The following BET1 variants were observed in gnomAD, a reference collection of about 807,000 sequenced individuals.
BET1 encodes BET1 homolog.
A neutral mutation model predicts 13.9 loss-of-function variants in BET1; 9 were observed. The observed-to-expected ratio is 0.65, with a 90% confidence interval of 0.39 to 1.13. BET1 has a LOEUF of 1.13. Ranked by LOEUF, BET1 falls within the 50% of genes most tolerant of loss-of-function variation. The probability of loss-of-function intolerance (pLI) is 0.01; values close to 1 mark genes in which losing one functional copy is unlikely to be tolerated. For synonymous variants in BET1, 39 were observed against 47.3 expected (o/e 0.82, Z 0.72); for missense variants, 127 against 133.6 (o/e 0.95, Z 0.24).
intron 2 of BET1, among the ~76,000 whole-genome samples, chr7:93,997,059 G>C (rs1309224814): frequency 6.6e-6 from 1 of 151,984 alleles, no homozygotes; most frequent in Non-Finnish European, 1.5e-5. Context: ...GAAGAAAAGA[G>C]CCATAGCTTA....
At chr7:93,998,396 AACT>A (rs1795818055) in intron 2 of BET1, among the ~76,000 whole-genome samples, 1 of 152,162 alleles carries the variant, frequency 6.6e-6, no homozygotes, top group African/African-American at 2.4e-5. Context: ...CCAATAGTTC[AACT>A]AAGAAAACCA....
intron 5 of BET1, among the ~76,000 whole-genome samples, chr7:93,973,728 A>G (rs1189142189): frequency 6.6e-6 from 1 of 152,014 alleles, no homozygotes; most frequent in Non-Finnish European, 1.5e-5. Context: ...CTGAAACACA[A>G]AGGAATCTGA....
chr7:93,999,080 T>C (rs1795834856), intron 2 of BET1, 90 bp downstream of exon 2: 1 of 1,015,370 alleles, frequency 9.8e-7, no homozygotes, highest in African/African-American at 1.7e-5. Flanking sequence ...ATGAATTCCT[T>C]AGGATGACGT....
intron 3 of BET1, among the ~76,000 whole-genome samples, chr7:93,994,605 A>G (rs1184878486): frequency 6.6e-6 from 1 of 152,248 alleles, no homozygotes; most frequent in African/African-American, 2.4e-5. Context: ...TCATTGTCCA[A>G]TAAACACTTC....
intron 1 of BET1, 28 bp from the exon 2 acceptor site, chr7:93,999,322 T>C: frequency 6.4e-7 from 1 of 1,574,362 alleles, no homozygotes; most frequent in East Asian, 2.3e-5. Context: ...ACAAAGGTGG[T>C]TCTAGAGAAG....
At chr7:93,964,281 C>G (rs1419557776) in exon 7 of BET1, 1 of 151,892 alleles carries the variant, frequency 6.6e-6, no homozygotes, top group Non-Finnish European at 1.5e-5. Flanking sequence ...CCTCCCTTCC[C>G]CCTTCTACAG....
At chr7:93,967,485 G>T (rs1020030601) in intron 6 of BET1, among the ~76,000 whole-genome samples, 3 of 151,886 alleles carry the variant, frequency 2.0e-5, no homozygotes, top group African/African-American at 7.2e-5. Flanking sequence ...CTCATAGGAT[G>T]AGATCTAAGA....
intron 6 of BET1, among the ~76,000 whole-genome samples, chr7:93,966,442 A>G (rs1795174060): frequency 6.6e-6 from 1 of 151,998 alleles, no homozygotes. Context: ...TATTGCTTCT[A>G]TCATAGAGCT....
chr7:93,968,229 C>T (rs1403947939), intron 6 of BET1: 4 of 151,666 alleles, frequency 2.6e-5, no homozygotes, highest in East Asian at 1.9e-4. Flanking sequence ...ATTGCAATAG[C>T]GTTGGCATTG....
intron 4 of BET1, among the ~76,000 whole-genome samples, chr7:93,981,661 G>T (rs146770739): frequency 2.6e-5 from 4 of 152,278 alleles, no homozygotes; most frequent in Non-Finnish European, 5.9e-5. Context: ...TTCAAGTAAT[G>T]TATCAGCTGG....
chr7:93,982,731 AT>A (rs1437858449), intron 4 of BET1, among the ~76,000 whole-genome samples: 1 of 152,128 alleles, frequency 6.6e-6, no homozygotes, highest in Non-Finnish European at 1.5e-5. Flanking sequence ...ATAAGGTCAC[AT>A]TTTGAGGTTC....
At chr7:93,983,990 C>CT (rs1562803057) in intron 4 of BET1, among the ~76,000 whole-genome samples, 1 of 152,106 alleles carries the variant, frequency 6.6e-6, no homozygotes, top group Non-Finnish European at 1.5e-5. Flanking sequence ...GGGACTCTAA[C>CT]AAATTGGTAG....
At chr7:93,983,085 G>A (rs1448565523) in intron 4 of BET1, among the ~76,000 whole-genome samples, 2 of 152,158 alleles carry the variant, frequency 1.3e-5, no homozygotes, top group East Asian at 3.9e-4. Context: ...GGTGGCCCAG[G>A]CCAGGAAATA....
chr7:93,979,513 A>G (rs1385592032), intron 4 of BET1, among the ~76,000 whole-genome samples: 3 of 152,070 alleles, frequency 2.0e-5, no homozygotes, highest in African/African-American at 7.2e-5. Flanking sequence ...TGTCAGCAAG[A>G]ACCTTCCTTC....
chr7:93,986,317 C>G (rs902038527), intron 4 of BET1, among the ~76,000 whole-genome samples: 7 of 152,254 alleles, frequency 4.6e-5, no homozygotes, highest in African/African-American at 1.7e-4. Context: ...CATGGTAGAC[C>G]TAAAGAGCTG....
At chr7:93,971,448 TTTC>T (rs1192554483) in intron 6 of BET1, among the ~76,000 whole-genome samples, 10 of 151,448 alleles carry the variant, frequency 6.6e-5, no homozygotes, top group African/African-American at 2.4e-4. Flanking sequence ...CTACAGAGTT[TTTC>T]TTGGAATAAC....
chr7:93,964,088 A>T (rs1381609796), exon 7 of BET1: 2 of 151,930 alleles, frequency 1.3e-5, no homozygotes, highest in East Asian at 1.9e-4. Flanking sequence ...AATAAAAATA[A>T]AAATAAATAA....
At chr7:93,979,729 C>T (rs1795395924) in intron 4 of BET1, among the ~76,000 whole-genome samples, 1 of 152,244 alleles carries the variant, frequency 6.6e-6, no homozygotes, top group African/African-American at 2.4e-5. Flanking sequence ...CAGCTTCTCC[C>T]TGGGGAGTTA....
At position 93,993,851 on chromosome 7, in the gene BET1, G is replaced by T; in HGVS notation, c.*379C>A. 1.3e-6 allele frequency: 2 copies of T among 1,535,168 alleles called. No homozygotes were observed. The highest frequency in any genetic ancestry group is 4.9e-5 in the East Asian group (2 of 40,842). On this transcript the variant is annotated 3_prime_UTR_variant, in exon 4 of 4. Coordinates refer to ENST00000222547, the MANE Select transcript of BET1 (RefSeq NM_005868.6). ...TGGCTGACTACTTCAAGAGCTCAGA[G>T]TCAGGCTCTCCAGGCATTCTGTTAC...
Sources: gnomAD v4.1 joint callset for allele counts (sites outside exome capture counted in the v4.1 genomes callset) on GRCh38, gnomAD v4.1.1 for gene constraint, MANE v1.5 for transcripts, NCBI Gene and HGNC (gene_info 2026-07-23, HGNC 2026-07-21) for gene names.